DNAH17: variants seen among roughly 807,000 people sequenced by gnomAD.
The protein encoded by DNAH17 is axonemal beta dynein heavy chain 17.
A neutral mutation model predicts 485.6 loss-of-function variants in DNAH17; 376 were observed. The ratio of observed to expected loss-of-function variants is 0.77; its 90% CI spans 0.71 to 0.84. DNAH17 has a LOEUF of 0.84. Ranked by LOEUF, DNAH17 falls within the 40% of genes least tolerant of loss-of-function variation. DNAH17 has a pLI of 0.00. For missense variants in DNAH17, 6,370 were observed against 5,839.3 expected, an observed-to-expected ratio of 1.09 and a Z score of -2.96; for synonymous variants, 3,031 against 2,405.9, an observed-to-expected ratio of 1.26 and a Z score of -7.60.
At chr17:78,523,379 C>G (rs1284121547) in intron 25 of DNAH17, among the ~76,000 whole-genome samples, 2 of 152,228 alleles carry the variant, frequency 1.3e-5, no homozygotes, top group Non-Finnish European at 2.9e-5. Flanking sequence ...CTGCCTTGGC[C>G]TCCCAAAGTG....
At chr17:78,511,839 G>T (rs190027843) in intron 26 of DNAH17, among the ~76,000 whole-genome samples, 1 of 152,220 alleles carries the variant, frequency 6.6e-6, no homozygotes, top group Admixed American at 6.5e-5. Flanking sequence ...CCGCCCAAGC[G>T]TCTCTCCCAG....
rs765362834 is a variant in DNAH17, at chr17:78,501,150, G to C, written c.5483+34C>G. The C allele has an allele frequency of 3.9e-6, 6 of 1,544,330 alleles. No homozygotes were observed. The African/African-American group carries it at 5.4e-5, about 14-fold the overall frequency. ...GAATCATGCGGAAGGGACCCACCAA[G>C]AGCACATGTGAGTTACTCAGGGACG... On this transcript the variant is annotated intron_variant, in intron 35 of 80. Transcript: ENST00000389840.
At chr17:78,534,266 AT>A (rs1211688764) in intron 19 of DNAH17, among the ~76,000 whole-genome samples, 2 of 152,180 alleles carry the variant, frequency 1.3e-5, no homozygotes, top group Admixed American at 1.3e-4. Context: ...CGGGACCCAG[AT>A]GTGCATGGAG....
chr17:78,461,741 T>G, intron 57 of DNAH17, 33 bp from the exon 58 acceptor site: 1 of 1,590,490 alleles, frequency 6.3e-7, no homozygotes. Flanking sequence ...ACAGCAAGTG[T>G]GGGCCGCAGC....
At chr17:78,517,888 T>G (rs2090831281) in intron 25 of DNAH17, among the ~76,000 whole-genome samples, 1 of 152,128 alleles carries the variant, frequency 6.6e-6, no homozygotes, top group African/African-American at 2.4e-5. Flanking sequence ...GACAGTTATG[T>G]TATAGTTAAG....
chr17:78,543,138 A>G (rs1266375541), intron 17 of DNAH17, among the ~76,000 whole-genome samples: 1 of 149,576 alleles, frequency 6.7e-6, no homozygotes, highest in Non-Finnish European at 1.5e-5. Context: ...TTGTTTTGAG[A>G]TAGTCTCACT....
chr17:78,542,258 C>T (rs1043592022), intron 17 of DNAH17, among the ~76,000 whole-genome samples: 4 of 152,000 alleles, frequency 2.6e-5, no homozygotes, highest in African/African-American at 4.8e-5. Context: ...AGCAATTCTC[C>T]TGCCTCAGCC....
rs2086496311 is a variant in DNAH17, at chr17:78,426,980, G to A, written c.12717C>T (p.Asn4239=). 1 of 1,610,838 alleles carries A rather than the reference G, an allele frequency of 6.2e-7. No homozygotes were observed. Among genetic ancestry groups the A allele is most frequent in the Admixed American group, 1.7e-5 (1 of 59,496 alleles). Residue 4239 remains asparagine (N), a synonymous_variant, in exon 78 of 81, where the codon AAC becomes AAT. Coordinates refer to ENST00000389840, the MANE Select transcript of DNAH17 (RefSeq NM_173628.4). ...AACGGCGCATTTCGTTGGTCAGGAT[G>A]TTCATTCTTTCACATTCTTGAAAGG... ...VVAFQECERM[N]ILTNEMRRSL...
At chr17:78,519,965 G>A (rs745514635) in intron 25 of DNAH17, among the ~76,000 whole-genome samples, 50 of 152,070 alleles carry the variant, frequency 3.3e-4, no homozygotes, top group Admixed American at 5.9e-4. Flanking sequence ...CAAAAAATTA[G>A]CTGGGTGTGG....
intron 25 of DNAH17, among the ~76,000 whole-genome samples, chr17:78,524,726 G>A (rs2091019528): frequency 7.4e-6 from 1 of 134,552 alleles, no homozygotes; most frequent in Non-Finnish European, 1.7e-5. Context: ...AGATGTGAGA[G>A]AGAATGAGAG....
At chr17:78,477,046 G>A (rs989825512) in intron 51 of DNAH17, among the ~76,000 whole-genome samples, 1 of 152,196 alleles carries the variant, frequency 6.6e-6, no homozygotes, top group Admixed American at 6.5e-5. Context: ...GCAGGTGACC[G>A]ATGCCATAGG....
chr17:78,523,699 A>G (rs899912653), intron 25 of DNAH17, among the ~76,000 whole-genome samples: 2 of 152,236 alleles, frequency 1.3e-5, no homozygotes, highest in African/African-American at 4.8e-5. Flanking sequence ...TGAGCCCAGA[A>G]GTTCAAGACC....
intron 71 of DNAH17, among the ~76,000 whole-genome samples, chr17:78,443,160 A>C (rs1158842279): frequency 2.0e-5 from 3 of 152,160 alleles, no homozygotes; most frequent in African/African-American, 7.2e-5. Context: ...ACACAGGCTA[A>C]CTTAGGCGAT....
At position 78,525,122 on chromosome 17, in the gene DNAH17, C is replaced by T. The variant is rs573572328; in HGVS notation, c.3751G>A (p.Ala1251Thr). 5 of 1,613,742 alleles carry T rather than the reference C, an allele frequency of 3.1e-6. No individual in the cohort carries two copies. The South Asian group carries it at 4.4e-5, about 14-fold the overall frequency. ...SISAMEGIME[A>T]LSKSGGLFEV... ...AACAGGCCCCCGGACTTGGACAGCG[C>T]CTCCATGATGCCTTCCATGGCGGAG... Residue 1251 changes from alanine to threonine, a missense_variant, in exon 25 of 81, where the codon GCG becomes ACG. Coordinates refer to ENST00000389840, the MANE Select transcript of DNAH17 (RefSeq NM_173628.4).
At chr17:78,551,412 C>T (rs930298115) in intron 16 of DNAH17, 123 bp downstream of exon 16, 12 of 800,122 alleles carry the variant, frequency 1.5e-5, no homozygotes, top group African/African-American at 8.5e-5. Context: ...GAGCACTGCA[C>T]GGCAGCTCCC....
At chr17:78,533,339 G>A (rs890560823) in intron 19 of DNAH17, among the ~76,000 whole-genome samples, 2 of 152,178 alleles carry the variant, frequency 1.3e-5, no homozygotes, top group African/African-American at 4.8e-5. Flanking sequence ...GAGCAGGTCA[G>A]GGAATGGCCC....
In DNAH17 at chr17:78,434,040, C is replaced by A. The variant is rs767660392; in HGVS notation, c.12214G>T (p.Ala4072Ser). ...SINVLYNYLE[A>S]NPKVPWDDLR... ...ACACAGCCCCTCACCTTGGGGTTGGCCTCCAGGTAGTTGTAGAGCACGTTG... is the reference window on the plus strand; with the variant it reads ...ACACAGCCCCTCACCTTGGGGTTGGACTCCAGGTAGTTGTAGAGCACGTTG... The change falls in exon 75 of 81, where the codon GCC (alanine) becomes TCC (serine). Residue 4072 changes from alanine to serine, a missense_variant. Coordinates refer to ENST00000389840, the MANE Select transcript of DNAH17 (RefSeq NM_173628.4). 1 of 1,605,960 alleles carries A rather than the reference C, an allele frequency of 6.2e-7. No homozygotes were observed. Among genetic ancestry groups the A allele is most frequent in the Non-Finnish European group, 8.5e-7 (1 of 1,175,300 alleles).
intron 13 of DNAH17, among the ~76,000 whole-genome samples, chr17:78,559,192 C>G (rs2143633161): frequency 6.6e-6 from 1 of 152,362 alleles, no homozygotes; most frequent in Non-Finnish European, 1.5e-5. Context: ...AGTACCATCT[C>G]TGTGTGGGTG....
intron 19 of DNAH17, among the ~76,000 whole-genome samples, chr17:78,535,061 C>A (rs1413045103): frequency 6.6e-6 from 1 of 152,154 alleles, no homozygotes; most frequent in Non-Finnish European, 1.5e-5. Context: ...TTCTCCTGGG[C>A]AACAGGCCCT....
Sources: gnomAD v4.1 joint callset for allele counts (sites outside exome capture counted in the v4.1 genomes callset) on GRCh38, gnomAD v4.1.1 for gene constraint, MANE v1.5 for transcripts, NCBI Gene and HGNC (gene_info 2026-07-23, HGNC 2026-07-21) for gene names.